The following RFLNA variants were observed in gnomAD, a reference collection of about 807,000 sequenced individuals.
RFLNA encodes the protein refilin-A.
Under a neutral mutation model 7.8 loss-of-function variants are expected in RFLNA, and 5 were observed. The observed-to-expected ratio is 0.64, with a 90% CI of 0.34 to 1.35. The LOEUF is 1.35. Ranked by LOEUF, RFLNA falls within the 40% of genes most tolerant of loss-of-function variation. The pLI, the probability that RFLNA is intolerant of heterozygous loss-of-function variation, is 0.04. For synonymous variants in RFLNA, 141 were observed against 131.3 expected (o/e 1.07, Z -0.50); for missense variants, 278 against 305.5 (o/e 0.91, Z 0.67).
intron 1 of RFLNA, among the ~76,000 whole-genome samples, chr12:124,299,978 A>C (rs2033997227): frequency 6.6e-6 from 1 of 152,186 alleles, no homozygotes; most frequent in Non-Finnish European, 1.5e-5. Flanking sequence ...CTATCTCCCT[A>C]AGTGAATATG....
At chr12:124,293,960 A>T (rs1050422418), upstream of RFLNA, among the ~76,000 whole-genome samples, 1 of 152,174 alleles carries the variant, frequency 6.6e-6, no homozygotes, top group Non-Finnish European at 1.5e-5. Context: ...GCAGCACCTC[A>T]TTAAGTTCCT....
intron 1 of RFLNA, among the ~76,000 whole-genome samples, chr12:124,296,158 TCTCTTCTCTTCTC>T (rs2033920551): frequency 5.0e-4 from 1 of 2,014 alleles, no homozygotes; most frequent in African/African-American, 6.0e-4. Flanking sequence ...TCTCTTCTCT[TCTCTTCTCTTCTC>T]TTCTCTTCTC....
chr12:124,289,812 A>G lies in RFLNA; in HGVS notation c.-37+442A>G, dbSNP rs2033790228. Among the ~76,000 whole-genome samples, 1 of 152,176 alleles carries G rather than the reference A, an allele frequency of 6.6e-6. No individual in the cohort carries two copies. Among genetic ancestry groups the G allele is most frequent in the Non-Finnish European group, 1.5e-5 (1 of 68,024 alleles). On this transcript the variant is annotated intron_variant, in intron 1 of 2. Coordinates refer to the RFLNA transcript ENST00000324038. The surrounding 1 kb of genome is among the most constrained non-coding windows in gnomAD (Gnocchi z 5.0). ...AAAAGTCCCTCGGGTGAGACAGGCC[A>G]CCGGGGAACATGCGACTCCCCGGGG...
intron 1 of RFLNA, among the ~76,000 whole-genome samples, chr12:124,296,124 C>CTTTCTTTCTTTCTTTCTTTCTTTGTT: frequency 4.3e-4 from 1 of 2,334 alleles, no homozygotes; most frequent in East Asian, 0.028. Flanking sequence ...TTCTTTCTTT[C>CTTTCTTTCTTTCTTTCTTTCTTTGTT]TCTCTCTCTC....
At chr12:124,307,103 C>T (rs1319198346) in intron 1 of RFLNA, among the ~76,000 whole-genome samples, 1 of 152,192 alleles carries the variant, frequency 6.6e-6, no homozygotes, top group African/African-American at 2.4e-5. Flanking sequence ...GGATGCAGAC[C>T]GTGCCTCCCC....
At chr12:124,294,504 G>T (rs574928948), upstream of RFLNA, among the ~76,000 whole-genome samples, 3 of 152,192 alleles carry the variant, frequency 2.0e-5, no homozygotes, top group Admixed American at 6.5e-5. Context: ...GGGAAAGACC[G>T]GCAGGACCCT....
At position 124,295,482 on chromosome 12, in the gene RFLNA, G is replaced by A. The variant is rs780554310; in HGVS notation, c.53G>A (p.Gly18Asp). 17 of 1,267,434 alleles carry A rather than the reference G, an allele frequency of 1.3e-5. No homozygotes were observed. In the South Asian group the frequency reaches 2.6e-4, roughly 19 times the overall value. 78.5% of individuals were successfully genotyped at this position (1,267,434 alleles called of 1,614,324 possible). Reference sequence around the variant, plus strand: ...ATGGAGGACAGCCTGAAGGAGCAGGGCCGGGAGGGCTTGCTGGACAGCCCC... The same window carrying A: ...ATGGAGGACAGCCTGAAGGAGCAGGACCGGGAGGGCTTGCTGGACAGCCCC... ...QGMEDSLKEQ[G>D]REGLLDSPDS... Residue 18 changes from glycine to aspartate, a missense_variant, in exon 1 of 3, where the codon GGC (glycine) becomes GAC (aspartate). Gly to Asp is a moderately conservative substitution (Grantham distance 94). Transcript: ENST00000546355.
chr12:124,302,741 A>C (rs943404076), intron 1 of RFLNA, among the ~76,000 whole-genome samples: 2 of 149,358 alleles, frequency 1.3e-5, no homozygotes, highest in Non-Finnish European at 3.0e-5. Context: ...AAGTTCTGAC[A>C]GCAGCAGGGG....
At chr12:124,295,768 C>G (rs936857219) in intron 1 of RFLNA, 132 bp downstream of exon 1, 1 of 928,914 alleles carries the variant, frequency 1.1e-6, no homozygotes, top group Non-Finnish European at 1.4e-6. Context: ...ACGAAGGTGG[C>G]CAGTGACAGC....
At position 124,306,939 on chromosome 12, in the gene RFLNA, G is replaced by T. The variant is rs1330924630; in HGVS notation, c.208-4879G>T. Among the ~76,000 whole-genome samples the T allele has an allele frequency of 6.6e-6, 1 of 152,142 alleles. No homozygotes were observed. The highest frequency in any genetic ancestry group is 6.5e-5 in the Admixed American group (1 of 15,282). ...GGCCGGTGTGCATGTGGTCACCATG[G>T]TTATAGGCTTGGCCCTCTGCGGCCC... On this transcript the variant is annotated intron_variant, in intron 1 of 2. Transcript: ENST00000546355. The surrounding 1 kb of genome is among the most constrained non-coding windows in gnomAD (Gnocchi z 5.2).
rs373661739 is a variant in RFLNA at position 124,314,378 on chromosome 12, C to T, written c.504C>T (p.Thr168=). Residue 168 remains threonine, a synonymous_variant, in exon 3 of 3, where the codon ACC becomes ACT. Coordinates refer to ENST00000546355, the MANE Select transcript of RFLNA (RefSeq NM_001365156.1). ...RPRALRFRST[T]IIFPKHARST... is the part of the protein sequence containing the mutation. ...GCGCCCTGCGCTTCCGCAGCACCAC[C>T]ATCATCTTCCCCAAGCATGCCAGGA... 2.5e-6 allele frequency: 4 copies of T among 1,612,324 alleles called. No homozygotes were observed. The highest frequency in any genetic ancestry group is 3.4e-6 in the Non-Finnish European group (4 of 1,179,928).
upstream of RFLNA, among the ~76,000 whole-genome samples, chr12:124,291,165 G>C (rs2033820285): frequency 6.6e-6 from 1 of 152,212 alleles, no homozygotes; most frequent in Non-Finnish European, 1.5e-5. Context: ...TTTCTACTTA[G>C]GATAGGCTGT....
chr12:124,301,640 T>A (rs141236086), intron 1 of RFLNA, among the ~76,000 whole-genome samples: 20 of 152,138 alleles, frequency 1.3e-4, no homozygotes, highest in African/African-American at 4.8e-4. Flanking sequence ...GGGTTCGCCA[T>A]TTTTTTGTGT....
intron 1 of RFLNA, among the ~76,000 whole-genome samples, chr12:124,309,389 G>A (rs926086642): frequency 6.6e-6 from 1 of 152,202 alleles, no homozygotes; most frequent in Non-Finnish European, 1.5e-5. Flanking sequence ...GCTGCGACGA[G>A]GCCAGGAGAG....
At position 124,306,073 on chromosome 12, in the gene RFLNA, G is replaced by A. The variant is rs1460882625; in HGVS notation, c.208-5745G>A. Among the ~76,000 whole-genome samples the A allele has an allele frequency of 2.6e-5, 4 of 152,158 alleles. No individual in the cohort carries two copies. The highest frequency in any genetic ancestry group is 5.9e-5 in the Non-Finnish European group (4 of 68,040). The stretch of plus-strand genomic sequence containing the variant: ...GTCCACAGACTGCTGCCAAACTTGA[G>A]GACAGGTATGGGCCCATACTCGGGG... On this transcript the variant is annotated intron_variant, in intron 1 of 2. Transcript: ENST00000546355. The surrounding 1 kb of genome is among the most constrained non-coding windows in gnomAD (Gnocchi z 5.2).
chr12:124,306,400 C>G lies in RFLNA; in HGVS notation c.208-5418C>G, dbSNP rs1023658355. Among the ~76,000 whole-genome samples, 1 of 152,058 alleles carries G rather than the reference C, an allele frequency of 6.6e-6. No individual in the cohort carries two copies. The highest frequency in any genetic ancestry group is 1.5e-5 in the Non-Finnish European group (1 of 68,006). ...AACAGCGGGAACACCGAGGCAGCCT[C>G]GGGTCACAGACAAGGGGCCGAGACA... is the stretch of plus-strand genomic sequence containing the variant. On this transcript the variant is annotated intron_variant, in intron 1 of 2. Transcript: ENST00000546355. The surrounding 1 kb of genome is among the most constrained non-coding windows in gnomAD (Gnocchi z 5.2).
chr12:124,291,718 C>CTT (rs5801541), upstream of RFLNA, among the ~76,000 whole-genome samples: 24 of 148,750 alleles, frequency 1.6e-4, 1 homozygote, highest in South Asian at 4.3e-4. Flanking sequence ...GTGAAAAAGC[C>CTT]TTTTTTTTTT....
intron 1 of RFLNA, among the ~76,000 whole-genome samples, chr12:124,301,130 A>G (rs1036983415): frequency 1.3e-5 from 2 of 152,206 alleles, no homozygotes; most frequent in Admixed American, 1.3e-4. Context: ...TGTCAGGACA[A>G]GGTGGGAGGG....
At chr12:124,291,827 G>A (rs147078617), upstream of RFLNA, among the ~76,000 whole-genome samples, 1 of 152,194 alleles carries the variant, frequency 6.6e-6, no homozygotes, top group East Asian at 1.9e-4. Flanking sequence ...TGCTTGGGGA[G>A]CCCTGGGCTG....
Sources: allele counts gnomAD v4.1 joint callset (sites outside exome capture counted in the v4.1 genomes callset), GRCh38; gene constraint gnomAD v4.1.1; non-coding constraint Gnocchi (gnomAD v3.1); transcripts MANE v1.5; gene names NCBI Gene and HGNC (gene_info 2026-07-23, HGNC 2026-07-21).